The following TMEM181 variants were observed in gnomAD, a reference collection of about 807,000 sequenced individuals.
TMEM181 encodes the protein G protein-coupled receptor 178.
In TMEM181, 39 loss-of-function variants were observed where a neutral mutation model predicts 71.9. The observed-to-expected ratio is 0.54, with a 90% CI of 0.42 to 0.71. The LOEUF (loss-of-function observed/expected upper bound fraction) is 0.71, where lower values mean the gene tolerates loss of function less well. TMEM181 is among the 30% of genes least tolerant of loss of function. The pLI is 0.00. For synonymous variants in TMEM181, 245 were observed against 228.8 expected, an observed-to-expected ratio of 1.07 and a Z score of -0.64; for missense variants, 595 against 583.0, an observed-to-expected ratio of 1.02 and a Z score of -0.21.
chr6:158,569,164 G>A (rs1166951261), intron 1 of TMEM181, among the ~76,000 whole-genome samples: 3 of 152,164 alleles, frequency 2.0e-5, no homozygotes, highest in Admixed American at 6.5e-5. Flanking sequence ...ATTGGAAGTC[G>A]AGAGCGGAAA....
At chr6:158,583,226 C>T (rs570903103) in intron 3 of TMEM181, among the ~76,000 whole-genome samples, 22 of 152,098 alleles carry the variant, frequency 1.4e-4, no homozygotes, top group Admixed American at 3.9e-4. Context: ...GAGCTAGACT[C>T]CCGTCTCAAA....
intron 12 of TMEM181, 76 bp downstream of exon 12, chr6:158,625,282 C>G (rs1786211738): frequency 7.5e-7 from 1 of 1,334,432 alleles, no homozygotes; most frequent in African/African-American, 1.4e-5. Context: ...GTTGGAGTCT[C>G]CCAAGCCAGG....
At chr6:158,609,831 G>GGT (rs756109300) in intron 10 of TMEM181, 55 of 239,676 alleles carry the variant, frequency 2.3e-4, no homozygotes, top group East Asian at 3.1e-4. Flanking sequence ...TACTGGCAAA[G>GGT]GCTTTTGGGA....
intron 6 of TMEM181, among the ~76,000 whole-genome samples, chr6:158,603,511 C>G (rs557383815): frequency 1.3e-5 from 2 of 151,974 alleles, no homozygotes; most frequent in Non-Finnish European, 2.9e-5. Flanking sequence ...CAGTATTGGT[C>G]TGTGGCCTGG....
intron 13 of TMEM181, among the ~76,000 whole-genome samples, chr6:158,626,887 C>T (rs552222614): frequency 6.6e-6 from 1 of 150,592 alleles, no homozygotes; most frequent in South Asian, 2.1e-4. Context: ...CACTCTCACA[C>T]CCCCACACCT....
At chr6:158,559,499 T>A (rs114802100), upstream of TMEM181, among the ~76,000 whole-genome samples, 2,040 of 152,258 alleles carry the variant, frequency 0.013, 40 homozygotes, top group African/African-American at 0.046. Context: ...CAAACCTTGG[T>A]TCTCATCCAT....
chr6:158,580,871 A>G, intron 2 of TMEM181, 69 bp from the exon 3 acceptor site: 1 of 1,468,336 alleles, frequency 6.8e-7, no homozygotes, highest in Admixed American at 1.8e-5. Flanking sequence ...CTTTCTTGGA[A>G]TTTGGAAAAA....
chr6:158,588,132 T>C (rs1783889234), intron 5 of TMEM181, among the ~76,000 whole-genome samples: 1 of 152,216 alleles, frequency 6.6e-6, no homozygotes, highest in Non-Finnish European at 1.5e-5. Context: ...CCCTTTCCAA[T>C]GTGATGAAAA....
At chr6:158,599,213 A>G (rs1025584950) in intron 6 of TMEM181, among the ~76,000 whole-genome samples, 1 of 152,206 alleles carries the variant, frequency 6.6e-6, no homozygotes, top group Non-Finnish European at 1.5e-5. Context: ...CTGCATGGGA[A>G]TTGACATCAC....
At chr6:158,541,399 AAG>A (rs2128277485) in intron 1 of TMEM181, among the ~76,000 whole-genome samples, 1 of 151,714 alleles carries the variant, frequency 6.6e-6, no homozygotes, top group South Asian at 2.1e-4. Flanking sequence ...CCTGGGCGAC[AAG>A]AGCGAGACTC....
At chr6:158,614,613 T>C (rs1785510486) in intron 10 of TMEM181, among the ~76,000 whole-genome samples, 1 of 152,194 alleles carries the variant, frequency 6.6e-6, no homozygotes, top group Non-Finnish European at 1.5e-5. Flanking sequence ...ATTAGGTATA[T>C]CTCCTAATGC....
chr6:158,607,682 A>T (rs2028441), intron 8 of TMEM181, among the ~76,000 whole-genome samples: 65,416 of 151,898 alleles, frequency 0.43, 14,409 homozygotes, highest in East Asian at 0.61. Context: ...AAAACAAAAC[A>T]AAACTAAAGC....
In TMEM181 at chr6:158,550,966, C is replaced by CTT. The variant is rs371934475; in HGVS notation, c.131+14114_131+14115dup. Among the ~76,000 whole-genome samples the CTT allele has an allele frequency of 7.0e-3, 925 of 132,914 alleles. 6 individuals carry two copies. The highest frequency in any genetic ancestry group is 0.023 in the African/African-American group (816 of 35,616). 87.2% of individuals were successfully genotyped at this position (132,914 alleles called of 152,430 possible). ...ATACAAACATTATCTTTATCAATTC[C>CTT]TTTTTTTTTTTTTTAGACAGAGTTT... is the stretch of plus-strand genomic sequence containing the variant. On this transcript the variant is annotated intron_variant, in intron 1 of 16. Transcript: ENST00000367090.
At chr6:158,564,655 A>G (rs1234089046) in intron 1 of TMEM181, among the ~76,000 whole-genome samples, 1 of 152,054 alleles carries the variant, frequency 6.6e-6, no homozygotes, top group Non-Finnish European at 1.5e-5. Context: ...TTCCACCCGC[A>G]CCTGCCAGCA....
At chr6:158,631,187 G>T in intron 15 of TMEM181, 136 bp from the exon 16 acceptor site, 1 of 892,638 alleles carries the variant, frequency 1.1e-6, no homozygotes, top group South Asian at 1.5e-5. Flanking sequence ...ATGTGTTCAG[G>T]TTTATACAGA....
intron 6 of TMEM181, among the ~76,000 whole-genome samples, chr6:158,592,956 A>C (rs1784187812): frequency 6.6e-6 from 1 of 152,146 alleles, no homozygotes; most frequent in Non-Finnish European, 1.5e-5. Context: ...AAATAAGATA[A>C]TATCCAGGGT....
At chr6:158,540,735 G>A (rs1344052605) in intron 1 of TMEM181, among the ~76,000 whole-genome samples, 1 of 152,116 alleles carries the variant, frequency 6.6e-6, no homozygotes, top group Non-Finnish European at 1.5e-5. Flanking sequence ...AGGATTCGCA[G>A]TGCTGGCTGC....
At chr6:158,565,206 C>T (rs1782419781) in intron 1 of TMEM181, among the ~76,000 whole-genome samples, 1 of 152,252 alleles carries the variant, frequency 6.6e-6, no homozygotes, top group South Asian at 2.1e-4. Flanking sequence ...TGGTTCTGTG[C>T]AGCAGTCCTA....
intron 5 of TMEM181, among the ~76,000 whole-genome samples, chr6:158,587,774 T>A (rs1319755004): frequency 1.3e-5 from 2 of 152,142 alleles, no homozygotes; most frequent in African/African-American, 4.8e-5. Flanking sequence ...AACCGTGGTT[T>A]GAACTTGGGA....
Sources: gnomAD v4.1 joint callset for allele counts (sites outside exome capture counted in the v4.1 genomes callset) on GRCh38, gnomAD v4.1.1 for gene constraint, MANE v1.5 for transcripts, NCBI Gene and HGNC (gene_info 2026-07-23, HGNC 2026-07-21) for gene names.